ABTB3: variants seen among roughly 807,000 people sequenced by gnomAD.
ABTB3 encodes the protein ankyrin repeat- and BTB/POZ domain-containing protein 3.
the ABTB3 span, among the ~76,000 whole-genome samples, chr12:107,643,783 A>G: frequency 7.5e-6 from 1 of 132,998 alleles, no homozygotes. Context: ...TGAGAGAGAG[A>G]GAGAGGGTCT....
At chr12:107,391,891 G>GTGCATAGCATT in the ABTB3 span, among the ~76,000 whole-genome samples, 1 of 152,180 alleles carries the variant, frequency 6.6e-6, no homozygotes, top group African/African-American at 2.4e-5. Flanking sequence ...TAGGGAGAAG[G>GTGCATAGCATT]TGCATAGCAT....
chr12:107,646,736 A>G, the ABTB3 span, among the ~76,000 whole-genome samples: 1 of 152,200 alleles, frequency 6.6e-6, no homozygotes, highest in African/African-American at 2.4e-5. Context: ...GCTGTGTGCC[A>G]AGCCCTGGGA....
chr12:107,593,913 C>T, the ABTB3 span, among the ~76,000 whole-genome samples: 1 of 152,200 alleles, frequency 6.6e-6, no homozygotes, highest in Admixed American at 6.5e-5. Context: ...CCCTCACTTC[C>T]TATTGGCCAG....
the ABTB3 span, among the ~76,000 whole-genome samples, chr12:107,591,544 A>T: frequency 1.3e-5 from 2 of 152,146 alleles, no homozygotes; most frequent in South Asian, 4.1e-4. Flanking sequence ...CACCCCCATG[A>T]TCCAATCACC....
At chr12:107,615,133 G>C in the ABTB3 span, 1 of 1,613,672 alleles carries the variant, frequency 6.2e-7, no homozygotes, top group Non-Finnish European at 8.5e-7. Context: ...GACTTTTGCT[G>C]TGTTGCATGG....
chr12:107,573,949 C>T, the ABTB3 span, among the ~76,000 whole-genome samples: 1 of 152,164 alleles, frequency 6.6e-6, no homozygotes, highest in African/African-American at 2.4e-5. Flanking sequence ...TGTGACCTAG[C>T]CAAGTAGATA....
At chr12:107,617,015 C>T in the ABTB3 span, 1 of 1,459,778 alleles carries the variant, frequency 6.9e-7, no homozygotes. Context: ...TCTCACCCAT[C>T]CCAGCAGTCT....
At chr12:107,619,978 C>G in the ABTB3 span, 81 of 1,597,450 alleles carry the variant, frequency 5.1e-5, no homozygotes, top group Middle Eastern at 3.3e-4. Flanking sequence ...CTCCTCTCCC[C>G]GCTCCAGGCG....
the ABTB3 span, among the ~76,000 whole-genome samples, chr12:107,566,106 G>C: frequency 6.6e-6 from 1 of 152,166 alleles, no homozygotes; most frequent in East Asian, 1.9e-4. Flanking sequence ...CCATAAATCT[G>C]CTAAATAGCC....
At chr12:107,318,764 C>A in the ABTB3 span, 6 of 687,964 alleles carry the variant, frequency 8.7e-6, no homozygotes, top group Non-Finnish European at 1.2e-5. Context: ...TCTGTATATT[C>A]CAGCGGCGGC....
At chr12:107,515,446 C>T in the ABTB3 span, among the ~76,000 whole-genome samples, 1 of 152,182 alleles carries the variant, frequency 6.6e-6, no homozygotes, top group African/African-American at 2.4e-5. Context: ...GGTCTCCTTA[C>T]CCTGAAAATT....
the ABTB3 span, chr12:107,650,475 G>A: frequency 6.6e-6 from 1 of 152,282 alleles, no homozygotes; most frequent in African/African-American, 2.4e-5. Context: ...TCCTCTGATG[G>A]TTTTAGTCTC....
At chr12:107,440,164 G>T in the ABTB3 span, among the ~76,000 whole-genome samples, 1 of 152,174 alleles carries the variant, frequency 6.6e-6, no homozygotes, top group Admixed American at 6.5e-5. Flanking sequence ...CATCACTGCG[G>T]TCAGCATCCA....
chr12:107,532,600 T>TA, the ABTB3 span, among the ~76,000 whole-genome samples: 4 of 152,182 alleles, frequency 2.6e-5, no homozygotes, highest in Non-Finnish European at 4.4e-5. Context: ...GAAACCTATT[T>TA]AATAAAATAA....
chr12:107,400,881 T>C, the ABTB3 span, among the ~76,000 whole-genome samples: 2 of 152,174 alleles, frequency 1.3e-5, no homozygotes, highest in Non-Finnish European at 2.9e-5. Flanking sequence ...AATTGATTAC[T>C]TCCTGCCTCC....
At chr12:107,480,921 T>C in the ABTB3 span, among the ~76,000 whole-genome samples, 17 of 152,106 alleles carry the variant, frequency 1.1e-4, no homozygotes, top group Admixed American at 2.0e-4. Flanking sequence ...AATTGATTGA[T>C]AGAGTTCAGT....
At chr12:107,621,944 T>C in the ABTB3 span, among the ~76,000 whole-genome samples, 2 of 152,156 alleles carry the variant, frequency 1.3e-5, no homozygotes, top group Admixed American at 1.3e-4. Context: ...TAGTCAGTCA[T>C]TTGAAAATCA....
the ABTB3 span, among the ~76,000 whole-genome samples, chr12:107,334,931 C>A: frequency 3.3e-5 from 5 of 152,072 alleles, no homozygotes. Flanking sequence ...CCCATTGTAC[C>A]CCCAAACTCT....
chr12:107,584,962 C>T, the ABTB3 span, among the ~76,000 whole-genome samples: 1 of 151,746 alleles, frequency 6.6e-6, no homozygotes, highest in Admixed American at 6.6e-5. Flanking sequence ...GTGAATTCTC[C>T]CTTTTTTTTT....
Sources: allele counts gnomAD v4.1 joint callset (sites outside exome capture counted in the v4.1 genomes callset), GRCh38; gene constraint gnomAD v4.1.1; transcripts MANE v1.5; gene names NCBI Gene and HGNC (gene_info 2026-07-23, HGNC 2026-07-21).